HSD17B2: variants seen among roughly 807,000 people sequenced by gnomAD.
HSD17B2 encodes hydroxysteroid 17-beta dehydrogenase 2.
Under a neutral mutation model 26.9 loss-of-function variants are expected in HSD17B2, and 32 were observed. That is an observed-to-expected ratio of 1.19 (90% CI 0.90 to 1.60). The LOEUF (loss-of-function observed/expected upper bound fraction) is 1.60. Among genes scored for constraint, HSD17B2 ranks in the 40% most tolerant of loss-of-function variants. The pLI, the probability that HSD17B2 is intolerant of heterozygous loss-of-function variation, is 0.00. For synonymous variants in HSD17B2, 246 were observed against 186.7 expected (o/e 1.32, Z -2.59); for missense variants, 613 against 468.6 (o/e 1.31, Z -2.85).
At chr16:82,072,318 A>C (rs980615482) in intron 3 of HSD17B2, among the ~76,000 whole-genome samples, 1 of 152,198 alleles carries the variant, frequency 6.6e-6, no homozygotes, top group African/African-American at 2.4e-5. Context: ...AAGTAGTTCC[A>C]ATTTCCTGCT....
rs1904670478 is a variant in HSD17B2, at chr16:82,090,832, A to G, written c.665-70A>G. 2.1e-6 allele frequency: 3 copies of G among 1,425,696 alleles called. No homozygotes were observed. The African/African-American group carries it at 4.3e-5, about 20-fold the overall frequency. 88.3% of individuals were successfully genotyped at this position (1,425,696 alleles called of 1,614,324 possible). On this transcript the variant is annotated intron_variant, in intron 3 of 4. Transcript: ENST00000199936. ...CAGTTCCTACATACAGTAGACACTG[A>G]TTAAATATTTATTGGATGAACAAAT...
intron 1 of HSD17B2, among the ~76,000 whole-genome samples, chr16:82,036,408 TA>T (rs2143905610): frequency 6.6e-6 from 1 of 151,746 alleles, no homozygotes; most frequent in East Asian, 1.9e-4. Flanking sequence ...CTTTGAGTTG[TA>T]AAATTTTTGC....
chr16:82,063,554 A>G (rs1914501057), intron 1 of HSD17B2, among the ~76,000 whole-genome samples: 1 of 152,230 alleles, frequency 6.6e-6, no homozygotes, highest in African/African-American at 2.4e-5. Context: ...CAAACAAAAA[A>G]AAACCTCAGA....
intron 1 of HSD17B2, among the ~76,000 whole-genome samples, chr16:82,037,257 G>T (rs932436770): frequency 6.6e-6 from 1 of 152,158 alleles, no homozygotes; most frequent in African/African-American, 2.4e-5. Flanking sequence ...TCACTTTCAC[G>T]TTCTTTGTTA....
At chr16:82,088,783 G>A (rs887442938) in intron 3 of HSD17B2, among the ~76,000 whole-genome samples, 43 of 152,316 alleles carry the variant, frequency 2.8e-4, no homozygotes, top group African/African-American at 9.1e-4. Flanking sequence ...ATGAGAGTCT[G>A]CTTGATGCCA....
chr16:82,081,838 A>G (rs947390053), intron 3 of HSD17B2, among the ~76,000 whole-genome samples: 3 of 152,238 alleles, frequency 2.0e-5, no homozygotes, highest in African/African-American at 7.2e-5. Flanking sequence ...AAGACACAGA[A>G]TCAACCCAAT....
At chr16:82,094,541 T>A (rs1380270797) in intron 4 of HSD17B2, 1 of 152,180 alleles carries the variant, frequency 6.6e-6, no homozygotes, top group Non-Finnish European at 1.5e-5. Context: ...CCTGGGTTCT[T>A]CCTTTTATAT....
At chr16:82,052,791 T>G (rs1485096483) in intron 1 of HSD17B2, among the ~76,000 whole-genome samples, 1 of 152,252 alleles carries the variant, frequency 6.6e-6, no homozygotes, top group African/African-American at 2.4e-5. Context: ...ATTGGTCTCC[T>G]GGAACTGCTG....
At chr16:82,082,505 C>G (rs1407309022) in intron 3 of HSD17B2, among the ~76,000 whole-genome samples, 2 of 152,104 alleles carry the variant, frequency 1.3e-5, no homozygotes, top group Non-Finnish European at 2.9e-5. Context: ...TAATGCTTCT[C>G]TGAATATTTT....
Position 82,071,168 on chromosome 16 carries a change from A to G in HSD17B2, c.664+41A>G, listed in dbSNP as rs1424938484. 4 of 1,580,818 alleles carry G rather than the reference A, an allele frequency of 2.5e-6. No individual in the cohort carries two copies. In the Admixed American group the frequency reaches 5.0e-5, roughly 20 times the overall value. On this transcript the variant is annotated intron_variant, in intron 3 of 4. Coordinates refer to ENST00000199936, the MANE Select transcript of HSD17B2 (RefSeq NM_002153.3). ...CACACATGGTCATGGGGTGCCCATC[A>G]CAAGACATGGCTCATGGCATTCTAT...
chr16:82,085,741 A>C (rs967176838), intron 3 of HSD17B2, among the ~76,000 whole-genome samples: 53 of 152,246 alleles, frequency 3.5e-4, no homozygotes, highest in Non-Finnish European at 1.2e-4. Context: ...GGTGGAGCCT[A>C]AGATTCTGCA....
chr16:82,044,648 A>T lies in HSD17B2; in HGVS notation c.265+8959A>T, dbSNP rs73600770. On this transcript the variant is annotated intron_variant, in intron 1 of 4. Coordinates refer to ENST00000199936, the MANE Select transcript of HSD17B2 (RefSeq NM_002153.3). ...GACCTTTGCACCAGGCAAAATGTTC[A>T]TGTCCAATTCTTTCTGCCAAACTCA... 8.1e-3 allele frequency: 1,238 copies of T among 152,394 alleles called. 14 individuals are homozygous for T. The highest frequency in any genetic ancestry group is 0.027 in the African/African-American group (1,123 of 41,564). 9.4% of individuals were successfully genotyped at this position (152,394 alleles called of 1,614,324 possible).
intron 3 of HSD17B2, among the ~76,000 whole-genome samples, chr16:82,088,740 C>T (rs975870708): frequency 1.3e-5 from 2 of 152,140 alleles, no homozygotes; most frequent in South Asian, 2.1e-4. Context: ...CATAAAAATC[C>T]GCTGGCCATC....
chr16:82,047,046 T>C lies in HSD17B2; in HGVS notation c.265+11357T>C, dbSNP rs77756499. Among the ~76,000 whole-genome samples the C allele has an allele frequency of 8.1e-3, 1,238 of 152,340 alleles. 13 individuals carry two copies. Among genetic ancestry groups the C allele is most frequent in the African/African-American group, 0.027 (1,127 of 41,560 alleles). On this transcript the variant is annotated intron_variant, in intron 1 of 4. Coordinates refer to ENST00000199936, the MANE Select transcript of HSD17B2 (RefSeq NM_002153.3). The stretch of plus-strand genomic sequence containing the variant: ...ACCTTCCGCATTCAGACACAGAATC[T>C]TATGCAAAGCTGACTTTCATTCCTT...
At chr16:82,091,461 T>G (rs1904692177) in intron 4 of HSD17B2, 1 of 213,032 alleles carries the variant, frequency 4.7e-6, no homozygotes, top group Non-Finnish European at 9.4e-6. Context: ...GGAATGGCTC[T>G]CAGATCCTGG....
intron 1 of HSD17B2, among the ~76,000 whole-genome samples, chr16:82,043,583 C>G (rs1453243710): frequency 1.5e-5 from 2 of 133,168 alleles, no homozygotes; most frequent in Non-Finnish European, 3.0e-5. Context: ...ACTCGGGAGG[C>G]TGAGGCAGGA....
chr16:82,069,364 G>A (rs1411084148), intron 2 of HSD17B2, among the ~76,000 whole-genome samples: 1 of 152,188 alleles, frequency 6.6e-6, no homozygotes, highest in African/African-American at 2.4e-5. Context: ...GACTAGGGCT[G>A]CAACGAATCT....
intron 1 of HSD17B2, among the ~76,000 whole-genome samples, chr16:82,055,211 T>C (rs1914229689): frequency 6.6e-6 from 1 of 152,254 alleles, no homozygotes; most frequent in African/African-American, 2.4e-5. Flanking sequence ...CTGGTTAAAA[T>C]GGCCTCTCTG....
chr16:82,069,954 T>C (rs1243596304), intron 2 of HSD17B2, among the ~76,000 whole-genome samples: 3 of 152,136 alleles, frequency 2.0e-5, no homozygotes, highest in Non-Finnish European at 4.4e-5. Flanking sequence ...ATCATTAGTT[T>C]ATAAAGCTCC....
Sources: allele counts gnomAD v4.1 joint callset (sites outside exome capture counted in the v4.1 genomes callset), GRCh38; gene constraint gnomAD v4.1.1; transcripts MANE v1.5; gene names NCBI Gene and HGNC (gene_info 2026-07-23, HGNC 2026-07-21).